Variants in PDE1C observed in about 807,000 individuals in gnomAD.
PDE1C encodes the protein phosphodiesterase 1C.
Under a neutral mutation model 93.1 loss-of-function variants are expected in PDE1C, and 62 were observed. The ratio of observed to expected loss-of-function variants is 0.67; its 90% CI spans 0.54 to 0.82. PDE1C has a LOEUF of 0.82. Among genes scored for constraint, PDE1C ranks in the 40% least tolerant of loss-of-function variants. The pLI, the probability that PDE1C is intolerant of heterozygous loss-of-function variation, is 0.00. For missense variants in PDE1C, 742 were observed against 884.6 expected (o/e 0.84, Z 2.04); for synonymous variants, 325 against 310.1 (o/e 1.05, Z -0.50).
At chr7:32,037,336 T>C (rs539660952) in intron 2 of PDE1C, among the ~76,000 whole-genome samples, 33 of 152,176 alleles carry the variant, frequency 2.2e-4, no homozygotes, top group African/African-American at 7.7e-4. Context: ...GATAATCTAG[T>C]TCACGATAAG....
chr7:31,841,834 T>A (rs375528754), intron 9 of PDE1C, among the ~76,000 whole-genome samples: 2 of 152,108 alleles, frequency 1.3e-5, no homozygotes, highest in African/African-American at 4.8e-5. Context: ...AATCAGCAAG[T>A]GGAGATCCAG....
chr7:32,180,967 G>C lies in PDE1C; in HGVS notation c.137-11011C>G, dbSNP rs918924485. Among the ~76,000 whole-genome samples, 6 of 152,252 alleles carry C rather than the reference G, an allele frequency of 3.9e-5. No homozygotes were observed. The South Asian group carries it at 1.0e-3, about 26-fold the overall frequency. Reference sequence around the variant, plus strand: ...AATTCAACAGACTCAGAAAATAATAGCTGGAAGTAATGAGGGGAAACCCCT... The same window carrying C: ...AATTCAACAGACTCAGAAAATAATACCTGGAAGTAATGAGGGGAAACCCCT... On this transcript the variant is annotated intron_variant, in intron 2 of 18. Transcript: ENST00000396193.
At chr7:31,664,969 C>A in the PDE1C span, among the ~76,000 whole-genome samples, 1 of 152,150 alleles carries the variant, frequency 6.6e-6, no homozygotes, top group Non-Finnish European at 1.5e-5. Context: ...TCCAAAGGCT[C>A]TTCAGTACAT....
intron 1 of PDE1C, among the ~76,000 whole-genome samples, chr7:32,339,983 C>A (rs1275072079): frequency 1.3e-5 from 2 of 152,104 alleles, no homozygotes; most frequent in African/African-American, 4.8e-5. Flanking sequence ...GGGTAGCAAG[C>A]TTTAACCAGC....
chr7:32,054,417 T>C (rs1000702804), intron 1 of PDE1C, among the ~76,000 whole-genome samples: 1 of 152,176 alleles, frequency 6.6e-6, no homozygotes, highest in African/African-American at 2.4e-5. Context: ...ATTAAATTTG[T>C]CATGTAGTGT....
chr7:31,976,252 A>C (rs1343891220), intron 2 of PDE1C, among the ~76,000 whole-genome samples: 1 of 152,230 alleles, frequency 6.6e-6, no homozygotes, highest in Non-Finnish European at 1.5e-5. Flanking sequence ...GTAAGAAGAA[A>C]TGTATTCATT....
intron 1 of PDE1C, among the ~76,000 whole-genome samples, chr7:32,406,916 C>T (rs1310222578): frequency 6.6e-6 from 1 of 152,140 alleles, no homozygotes; most frequent in African/African-American, 2.4e-5. Context: ...AACTTCCCAA[C>T]GATAGCAAGG....
chr7:32,413,675 A>G (rs1785218368), intron 1 of PDE1C, among the ~76,000 whole-genome samples: 2 of 152,226 alleles, frequency 1.3e-5, no homozygotes, highest in Admixed American at 6.5e-5. Flanking sequence ...AACAGTGTGT[A>G]TGAATGTACT....
At chr7:31,719,671 C>T in the PDE1C span, among the ~76,000 whole-genome samples, 1 of 152,226 alleles carries the variant, frequency 6.6e-6, no homozygotes, top group Admixed American at 6.5e-5. Context: ...ACATTTTGTC[C>T]GACAGACAGT....
intron 1 of PDE1C, among the ~76,000 whole-genome samples, chr7:32,313,590 C>T (rs1783102674): frequency 6.6e-6 from 1 of 152,038 alleles, no homozygotes; most frequent in East Asian, 1.9e-4. Context: ...AGGATGAGTT[C>T]ATGTCCTTTG....
At chr7:31,663,719 C>A in the PDE1C span, among the ~76,000 whole-genome samples, 1 of 152,178 alleles carries the variant, frequency 6.6e-6, no homozygotes, top group Non-Finnish European at 1.5e-5. Flanking sequence ...ATTTGCCAAC[C>A]TAATTGTATT....
At chr7:32,218,500 C>G (rs538377340) in intron 1 of PDE1C, among the ~76,000 whole-genome samples, 1 of 152,324 alleles carries the variant, frequency 6.6e-6, no homozygotes, top group East Asian at 1.9e-4. Context: ...GGGTATCACA[C>G]AGACAGAGGG....
intron 16 of PDE1C, among the ~76,000 whole-genome samples, chr7:31,804,656 C>A (rs905477052): frequency 1.3e-5 from 2 of 151,746 alleles, no homozygotes; most frequent in African/African-American, 2.4e-5. Flanking sequence ...CAAGAACTTT[C>A]GTCTTTTTAC....
rs1812457341 is a variant in PDE1C, at chr7:32,293,423, G to A, written c.85+5228C>T. On this transcript the variant is annotated intron_variant, in intron 1 of 18. Coordinates refer to the PDE1C transcript ENST00000396193. ...GCAAAAGACAGGGCTGCTCTCGGTCGAAGTGCAAATGCTGTGAAGTGGCAT... is the reference window on the plus strand; with the variant it reads ...GCAAAAGACAGGGCTGCTCTCGGTCAAAGTGCAAATGCTGTGAAGTGGCAT... Among the ~76,000 whole-genome samples the A allele has an allele frequency of 3.9e-5, 6 of 152,148 alleles. No homozygotes were observed. In the South Asian group the frequency reaches 1.2e-3, roughly 32 times the overall value.
At chr7:32,165,914 C>G (rs74771910) in intron 3 of PDE1C, among the ~76,000 whole-genome samples, 17,849 of 152,104 alleles carry the variant, frequency 0.12, 1,260 homozygotes, top group East Asian at 0.26. Flanking sequence ...TGGGCCCCAC[C>G]TAGATCTGGG....
chr7:31,803,510 C>T lies in PDE1C; in HGVS notation c.1891+5521G>A, dbSNP rs181982617. 4.9e-4 allele frequency among the ~76,000 whole-genome samples: 75 copies of T among 151,932 alleles called. No individual in the cohort carries two copies. In the East Asian group the frequency reaches 9.9e-3, roughly 20 times the overall value. On this transcript the variant is annotated intron_variant, in intron 16 of 17. Coordinates refer to ENST00000396191, the MANE Select transcript of PDE1C (RefSeq NM_001191057.4). The stretch of plus-strand genomic sequence containing the variant: ...TGTTGGTGTGCTGCACCCATTAACT[C>T]GTCGTTTAGCATTAGGTATATCTCC...
At chr7:31,977,732 T>C (rs1811849392) in intron 2 of PDE1C, among the ~76,000 whole-genome samples, 1 of 152,210 alleles carries the variant, frequency 6.6e-6, no homozygotes, top group Admixed American at 6.5e-5. Context: ...AACAAGGATC[T>C]TATCTTTATC....
At chr7:31,652,080 A>G in the PDE1C span, 14 of 1,476,458 alleles carry the variant, frequency 9.5e-6, no homozygotes, top group African/African-American at 1.4e-5. Flanking sequence ...GAGTTTGACT[A>G]TATCCAGCCT....
chr7:32,033,417 C>A (rs1027942868), intron 2 of PDE1C, among the ~76,000 whole-genome samples: 7 of 152,192 alleles, frequency 4.6e-5, no homozygotes, highest in Middle Eastern at 3.4e-3. Context: ...ATCAAAGGAG[C>A]GCAATTCCCT....
Sources: allele counts gnomAD v4.1 joint callset (sites outside exome capture counted in the v4.1 genomes callset), GRCh38; gene constraint gnomAD v4.1.1; transcripts MANE v1.5; gene names NCBI Gene and HGNC (gene_info 2026-07-23, HGNC 2026-07-21).